Variants in PKD1L1 observed in about 807,000 individuals in gnomAD.
PKD1L1 encodes polycystin 1 like 1, transient receptor potential channel interacting, also known as polycystin-1-like protein 1.
PKD1L1 carries 236 observed loss-of-function variants against 323.4 expected under a neutral mutation model. That is an observed-to-expected ratio of 0.73 (90% CI 0.66 to 0.81). The LOEUF is 0.81. Ranked by LOEUF, PKD1L1 falls within the 40% of genes least tolerant of loss-of-function variation. The pLI is 0.00. For missense variants in PKD1L1, 3,320 were observed against 3,508.0 expected, an observed-to-expected ratio of 0.95 and a Z score of 1.35; for synonymous variants, 1,344 against 1,335.0, an observed-to-expected ratio of 1.01 and a Z score of -0.15.
intron 49 of PKD1L1, 96 bp from the exon 50 acceptor site, chr7:47,812,147 C>T (rs1182084915): frequency 1.0e-6 from 1 of 996,016 alleles, no homozygotes; most frequent in African/African-American, 1.6e-5. Flanking sequence ...TGGGAACACC[C>T]TATGCTAGAC....
intron 5 of PKD1L1, 122 bp from the exon 6 acceptor site, chr7:47,931,443 T>G: frequency 1.9e-6 from 2 of 1,057,206 alleles, no homozygotes; most frequent in Non-Finnish European, 2.7e-6. Flanking sequence ...AGGTCTCTGC[T>G]ATTTGGGTGG....
At chr7:47,852,496 C>T (rs537751015) in intron 31 of PKD1L1, among the ~76,000 whole-genome samples, 1 of 152,340 alleles carries the variant, frequency 6.6e-6, no homozygotes, top group African/African-American at 2.4e-5. Flanking sequence ...GCCAGCTCCT[C>T]TCCAGGGCCA....
chr7:47,946,148 G>C lies in PKD1L1; in HGVS notation c.44+2249C>G, dbSNP rs992114740. 6.6e-6 allele frequency among the ~76,000 whole-genome samples: 1 copy of C among 152,164 alleles called. No individual in the cohort carries two copies. Among genetic ancestry groups the C allele is most frequent in the Non-Finnish European group, 1.5e-5 (1 of 68,034 alleles). On this transcript the variant is annotated intron_variant, in intron 1 of 56. Coordinates refer to ENST00000289672, the MANE Select transcript of PKD1L1 (RefSeq NM_138295.5). This position sits in a 1 kb window ranked among gnomAD's most constrained non-coding sequence, Gnocchi z 4.1. ...CACAGAGGTACCTGGCTTCCTCTTA[G>C]TTAACTGTGACTGTCGGGGAACAGG...
rs1463632652 is a variant in PKD1L1 at position 47,840,827 on chromosome 7, A to T, written c.5446-260T>A. Among the ~76,000 whole-genome samples the T allele has an allele frequency of 6.6e-6, 1 of 152,220 alleles. No individual in the cohort carries two copies. The highest frequency in any genetic ancestry group is 1.5e-5 in the Non-Finnish European group (1 of 68,044). On this transcript the variant is annotated intron_variant, in intron 34 of 56. Coordinates refer to ENST00000289672, the MANE Select transcript of PKD1L1 (RefSeq NM_138295.5). This position sits in a 1 kb window ranked among gnomAD's most constrained non-coding sequence, Gnocchi z 4.1. ...CACCTATTTGATCTAGAAAAGCCAG[A>T]TCCCAACTAGGATTCGGGAGGGCAT...
At chr7:47,921,298 A>G (rs554796193) in intron 7 of PKD1L1, among the ~76,000 whole-genome samples, 53 of 152,146 alleles carry the variant, frequency 3.5e-4, no homozygotes, top group South Asian at 1.5e-3. Context: ...AATGCTCAAC[A>G]TCACTAATGA....
chr7:47,793,703 TTGA>T (rs1325334196), intron 55 of PKD1L1, among the ~76,000 whole-genome samples: 1 of 152,184 alleles, frequency 6.6e-6, no homozygotes, highest in Admixed American at 6.5e-5. Flanking sequence ...ACTTTGGAAC[TTGA>T]TAACAGGCAG....
At chr7:47,860,035 G>C (rs1012873743) in intron 26 of PKD1L1, among the ~76,000 whole-genome samples, 1 of 152,032 alleles carries the variant, frequency 6.6e-6, no homozygotes, top group East Asian at 1.9e-4. Flanking sequence ...TTATTCACTG[G>C]AATATTTTTT....
intron 7 of PKD1L1, among the ~76,000 whole-genome samples, chr7:47,924,848 C>T (rs1254541581): frequency 8.5e-5 from 13 of 152,208 alleles, no homozygotes; most frequent in Admixed American, 1.3e-4. Flanking sequence ...ATCTTGAGAC[C>T]GACATGCCCA....
chr7:47,819,505 A>G (rs781702303), intron 46 of PKD1L1: 1 of 1,335,130 alleles, frequency 7.5e-7, no homozygotes, highest in Non-Finnish European at 9.9e-7. Context: ...TTTTGCACAC[A>G]GCACCACCTA....
At chr7:47,915,853 AATAG>A (rs1208874428) in intron 7 of PKD1L1, among the ~76,000 whole-genome samples, 7 of 152,076 alleles carry the variant, frequency 4.6e-5, no homozygotes, top group Non-Finnish European at 1.0e-4. Context: ...ACCTAGATTA[AATAG>A]ATAATTATAA....
intron 7 of PKD1L1, among the ~76,000 whole-genome samples, chr7:47,923,813 A>C (rs564358167): frequency 6.6e-6 from 1 of 152,322 alleles, no homozygotes; most frequent in Non-Finnish European, 1.5e-5. Context: ...TTTCACCCCT[A>C]GGAATTCAAG....
chr7:47,928,285 G>T (rs572975199), intron 7 of PKD1L1, among the ~76,000 whole-genome samples: 1 of 152,192 alleles, frequency 6.6e-6, no homozygotes, highest in Admixed American at 6.5e-5. Flanking sequence ...AAAAGGCCGG[G>T]GGGGAAGGTG....
At position 47,847,047 on chromosome 7, in the gene PKD1L1, A is replaced by G; in HGVS notation, c.4985T>C (p.Leu1662Ser). ...QKDASVGYLS[L>S]LDADYDRKPP... ...TTTTCTGTCATAGTCAGCATCCAATAAGGATAAATAGCCTACACTGGCATC... is the reference window on the plus strand; with the variant it reads ...TTTTCTGTCATAGTCAGCATCCAATGAGGATAAATAGCCTACACTGGCATC... Residue 1662 changes from leucine to serine, a missense_variant, in exon 32 of 57, where the codon TTA becomes TCA. Leu to Ser is a moderately radical substitution (Grantham distance 145). Coordinates refer to ENST00000289672, the MANE Select transcript of PKD1L1 (RefSeq NM_138295.5). The G allele has an allele frequency of 6.2e-7, 1 of 1,603,454 alleles. No homozygotes were observed. Among genetic ancestry groups the G allele is most frequent in the Non-Finnish European group, 8.5e-7 (1 of 1,176,568 alleles).
intron 8 of PKD1L1, among the ~76,000 whole-genome samples, chr7:47,909,039 G>A (rs747978100): frequency 9.9e-5 from 15 of 152,202 alleles, no homozygotes; most frequent in Non-Finnish European, 2.1e-4. Context: ...GCTCAGACCT[G>A]AAGAACTCCC....
rs903087801 is a variant in PKD1L1 at position 47,834,390 on chromosome 7, T to C, written c.6128-5A>G. The C allele has an allele frequency of 6.2e-7, 1 of 1,613,166 alleles. No individual in the cohort carries two copies. The highest frequency in any genetic ancestry group is 2.2e-5 in the East Asian group (1 of 44,882). On this transcript the variant is annotated splice_region_variant and splice_polypyrimidine_tract_variant and intron_variant, in intron 39 of 56. Transcript: ENST00000289672. ...TCCTTCCCCAGGAATTAGGACCTGATTCAAAAAAATAAAAATCCAATGTAC... is the reference window on the plus strand; with the variant it reads ...TCCTTCCCCAGGAATTAGGACCTGACTCAAAAAAATAAAAATCCAATGTAC...
chr7:47,926,794 C>A (rs771465228), intron 7 of PKD1L1, among the ~76,000 whole-genome samples: 9 of 151,830 alleles, frequency 5.9e-5, no homozygotes, highest in Non-Finnish European at 1.3e-4. Context: ...TTGTGGCAAC[C>A]GAATTCCAGC....
At chr7:47,804,060 A>G (rs1311738345) in intron 52 of PKD1L1, among the ~76,000 whole-genome samples, 1 of 152,230 alleles carries the variant, frequency 6.6e-6, no homozygotes, top group Non-Finnish European at 1.5e-5. Context: ...TAAGCCCAAG[A>G]GAAAAGAAAT....
rs1785534028 is a variant in PKD1L1, at chr7:47,839,932, T to G, written c.5553-270A>C. On this transcript the variant is annotated intron_variant, in intron 35 of 56. Coordinates refer to ENST00000289672, the MANE Select transcript of PKD1L1 (RefSeq NM_138295.5). The surrounding 1 kb of genome is among the most constrained non-coding windows in gnomAD (Gnocchi z 4.3). ...AAGTTACACAAATCTCGTTCATGTATTTGTCTCTGGTGTGGATTAGTCTAA... is the reference window on the plus strand; with the variant it reads ...AAGTTACACAAATCTCGTTCATGTAGTTGTCTCTGGTGTGGATTAGTCTAA... 2.0e-5 allele frequency among the ~76,000 whole-genome samples: 3 copies of G among 152,232 alleles called. No homozygotes were observed. The highest frequency in any genetic ancestry group is 6.5e-5 in the Admixed American group (1 of 15,282).
At chr7:47,796,270 G>T in intron 54 of PKD1L1, 120 bp from the exon 55 acceptor site, 1 of 966,946 alleles carries the variant, frequency 1.0e-6, no homozygotes, top group African/African-American at 1.7e-5. Flanking sequence ...ACGAGCTTTT[G>T]GTAAAATAGT....
Sources: gnomAD v4.1 joint callset for allele counts (sites outside exome capture counted in the v4.1 genomes callset) on GRCh38, gnomAD v4.1.1 for gene constraint, Gnocchi (gnomAD v3.1) non-coding constraint, MANE v1.5 for transcripts, NCBI Gene and HGNC (gene_info 2026-07-23, HGNC 2026-07-21) for gene names.